The following TAS2R1 variants were observed in gnomAD, a reference collection of about 807,000 sequenced individuals.
TAS2R1 encodes the protein taste 2 receptor member 1.
For synonymous variants in TAS2R1, 141 were observed against 134.2 expected, an observed-to-expected ratio of 1.05 and a Z score of -0.35; for missense variants, 370 against 353.4, an observed-to-expected ratio of 1.05 and a Z score of -0.38.
the TAS2R1 span, among the ~76,000 whole-genome samples, chr5:9,831,714 G>A: frequency 1.3e-5 from 2 of 151,640 alleles, no homozygotes; most frequent in Non-Finnish European, 2.9e-5. Flanking sequence ...AGGGGTTACT[G>A]TAATATCAAC....
chr5:9,861,285 C>T, the TAS2R1 span, among the ~76,000 whole-genome samples: 37 of 151,866 alleles, frequency 2.4e-4, no homozygotes, highest in Non-Finnish European at 3.2e-4. Context: ...CACCAGCCCA[C>T]GCACGGATCA....
the TAS2R1 span, among the ~76,000 whole-genome samples, chr5:9,849,911 T>C: frequency 6.6e-6 from 1 of 152,206 alleles, no homozygotes; most frequent in East Asian, 1.9e-4. Context: ...CTAGCTCTCC[T>C]AGACCAAACA....
upstream of TAS2R1, among the ~76,000 whole-genome samples, chr5:9,633,319 T>TACATAC (rs1739911285): frequency 2.0e-4 from 27 of 137,422 alleles, no homozygotes; most frequent in African/African-American, 8.0e-4. Flanking sequence ...TATATATATA[T>TACATAC]ACACAAATGT....
chr5:9,832,631 G>T, the TAS2R1 span, among the ~76,000 whole-genome samples: 4 of 152,282 alleles, frequency 2.6e-5, no homozygotes, highest in East Asian at 5.8e-4. Context: ...TTGCCTCCAT[G>T]TAAATCAAAA....
the TAS2R1 span, among the ~76,000 whole-genome samples, chr5:9,900,865 C>T: frequency 2.2e-4 from 33 of 151,984 alleles, no homozygotes; most frequent in African/African-American, 8.0e-4. Flanking sequence ...CCTCGTGATC[C>T]GCCCGCCTCG....
At chr5:9,840,499 C>A in the TAS2R1 span, among the ~76,000 whole-genome samples, 3 of 152,176 alleles carry the variant, frequency 2.0e-5, no homozygotes, top group Non-Finnish European at 4.4e-5. Context: ...TAAACTCTAA[C>A]ATGAATTAAG....
At chr5:9,886,191 C>T in the TAS2R1 span, among the ~76,000 whole-genome samples, 6 of 151,900 alleles carry the variant, frequency 3.9e-5, no homozygotes, top group Non-Finnish European at 8.8e-5. Flanking sequence ...GCTGCCAAGC[C>T]CAGCTAATTT....
At chr5:9,886,572 G>T in the TAS2R1 span, among the ~76,000 whole-genome samples, 1 of 151,356 alleles carries the variant, frequency 6.6e-6, no homozygotes, top group Admixed American at 6.6e-5. Flanking sequence ...GACCTCAGAT[G>T]ATCCGCCCAC....
the TAS2R1 span, among the ~76,000 whole-genome samples, chr5:9,805,930 C>A: frequency 2.0e-5 from 3 of 151,968 alleles, no homozygotes; most frequent in Non-Finnish European, 4.4e-5. Context: ...TTAAGGACAT[C>A]CAGGTCAGTA....
At chr5:9,879,221 T>C in the TAS2R1 span, among the ~76,000 whole-genome samples, 1 of 152,260 alleles carries the variant, frequency 6.6e-6, no homozygotes, top group Non-Finnish European at 1.5e-5. Context: ...TGTCAACATA[T>C]TTAATACACA....
chr5:9,784,738 GGCT>G, the TAS2R1 span, among the ~76,000 whole-genome samples: 1 of 152,188 alleles, frequency 6.6e-6, no homozygotes, highest in East Asian at 1.9e-4. Context: ...CAGCATCAGT[GGCT>G]GCCACCAATC....
At chr5:9,670,990 T>A (rs969061020) in intron 1 of TAS2R1, among the ~76,000 whole-genome samples, 1 of 152,160 alleles carries the variant, frequency 6.6e-6, no homozygotes, top group Non-Finnish European at 1.5e-5. Context: ...GTTCAACTTA[T>A]GTAAATCAAT....
chr5:9,702,504 T>A (rs1053033009), intron 1 of TAS2R1, among the ~76,000 whole-genome samples: 7 of 151,998 alleles, frequency 4.6e-5, no homozygotes, highest in African/African-American at 1.7e-4. Context: ...TCTATGTAGA[T>A]CCTTGAAAAT....
At chr5:9,900,719 C>T in the TAS2R1 span, among the ~76,000 whole-genome samples, 7 of 149,650 alleles carry the variant, frequency 4.7e-5, no homozygotes, top group East Asian at 1.4e-3. Flanking sequence ...GTCCCGGGTT[C>T]ATGCCATTCT....
intron 1 of TAS2R1, among the ~76,000 whole-genome samples, chr5:9,686,432 C>T (rs187370017): frequency 7.4e-4 from 112 of 152,288 alleles, no homozygotes; most frequent in African/African-American, 2.6e-3. Flanking sequence ...GGAAATCCAG[C>T]CCATGGCGAA....
rs769267946 is a variant in TAS2R1, at chr5:9,629,168, T to C, written c.865A>G (p.Lys289Glu). Reference protein sequence around the residue: ...LGNPKLKQNAKKFLLHSKCCQ With the variant: ...LGNPKLKQNAEKFLLHSKCCQ ...CACTTACTGTGGAGGAGGAACTTTT[T>C]TGCATTTTGTTTCAATTTAGGATTT... Residue 289 changes from lysine (K) to glutamate (E), a missense_variant, in exon 1 of 1, where the codon AAA (lysine) becomes GAA (glutamate). Transcript: ENST00000382492. The C allele has an allele frequency of 3.8e-6, 6 of 1,584,638 alleles. No homozygotes were observed. Among genetic ancestry groups the C allele is most frequent in the Non-Finnish European group, 5.1e-6 (6 of 1,167,684 alleles).
chr5:9,891,331 G>C, the TAS2R1 span, among the ~76,000 whole-genome samples: 1 of 151,816 alleles, frequency 6.6e-6, no homozygotes, highest in South Asian at 2.1e-4. Flanking sequence ...TTTCATTTTG[G>C]GAAAAAAAAA....
intron 1 of TAS2R1, among the ~76,000 whole-genome samples, chr5:9,665,293 G>T (rs531207441): frequency 2.0e-5 from 3 of 152,118 alleles, no homozygotes; most frequent in Non-Finnish European, 4.4e-5. Flanking sequence ...CGATAACATC[G>T]AGGCCATCTG....
intron 1 of TAS2R1, among the ~76,000 whole-genome samples, chr5:9,696,506 G>A (rs1380230125): frequency 6.6e-6 from 1 of 151,994 alleles, no homozygotes. Flanking sequence ...AGGTTGCAGT[G>A]AGCTGAGATC....
Sources: allele counts gnomAD v4.1 joint callset (sites outside exome capture counted in the v4.1 genomes callset), GRCh38; gene constraint gnomAD v4.1.1; transcripts MANE v1.5; gene names NCBI Gene and HGNC (gene_info 2026-07-23, HGNC 2026-07-21).